ALDH1L1: variants seen among roughly 807,000 people sequenced by gnomAD.
The protein encoded by ALDH1L1 is aldehyde dehydrogenase 1 family member L1.
In ALDH1L1, 68 loss-of-function variants were observed where a neutral mutation model predicts 101.1. The observed-to-expected ratio is 0.67, with a 90% CI of 0.55 to 0.82. The LOEUF (loss-of-function observed/expected upper bound fraction) is 0.82, where lower values mean the gene tolerates loss of function less well. Among genes scored for constraint, ALDH1L1 ranks in the 40% least tolerant of loss-of-function variants. The probability of loss-of-function intolerance (pLI) is 0.00; values close to 1 mark genes in which losing one functional copy is unlikely to be tolerated. For synonymous variants in ALDH1L1, 486 were observed against 470.8 expected (o/e 1.03, Z -0.42); for missense variants, 1,087 against 1,172.7 (o/e 0.93, Z 1.07).
upstream of ALDH1L1, among the ~76,000 whole-genome samples, chr3:126,186,276 G>A (rs550481211): frequency 4.6e-5 from 7 of 152,356 alleles, no homozygotes; most frequent in African/African-American, 1.7e-4. Context: ...AGCTCATGTA[G>A]CATCAGAAAG....
At chr3:126,182,103 A>G (rs1227314728), upstream of ALDH1L1, among the ~76,000 whole-genome samples, 1 of 152,124 alleles carries the variant, frequency 6.6e-6, no homozygotes, top group Non-Finnish European at 1.5e-5. Context: ...TTATGTGATC[A>G]CAGAGAGGCC....
chr3:126,187,754 G>A (rs1012355774), intron 1 of ALDH1L1, among the ~76,000 whole-genome samples: 2 of 152,096 alleles, frequency 1.3e-5, no homozygotes, highest in African/African-American at 2.4e-5. Flanking sequence ...GTGAATTGAG[G>A]GAAACTATCA....
At chr3:126,196,901 G>A (rs549010937) in intron 1 of ALDH1L1, among the ~76,000 whole-genome samples, 3 of 152,280 alleles carry the variant, frequency 2.0e-5, no homozygotes, top group Admixed American at 1.3e-4. Flanking sequence ...AGTCTCCATC[G>A]CCCTTCCCAG....
intron 14 of ALDH1L1, 40 bp from the exon 15 acceptor site, chr3:126,125,761 A>C: frequency 7.0e-7 from 1 of 1,422,494 alleles, no homozygotes; most frequent in South Asian, 1.5e-5. Context: ...CTTCTTCTCC[A>C]CCAGGCCCAC....
intron 12 of ALDH1L1, among the ~76,000 whole-genome samples, chr3:126,132,985 G>A (rs747791037): frequency 6.6e-6 from 1 of 152,330 alleles, no homozygotes; most frequent in South Asian, 2.1e-4. Flanking sequence ...GAGAAAAACC[G>A]ATTTTGTACA....
Position 126,110,097 on chromosome 3 carries a change from G to T in ALDH1L1, c.2194C>A (p.Arg732=), listed in dbSNP as rs148110119. The change falls in exon 20 of 23, where the codon CGG becomes AGG. Residue 732 remains arginine (R), a synonymous_variant. Transcript: ENST00000393434. The stretch of plus-strand genomic sequence containing the variant: ...AGCGGGTTGCCCACCTTCATCTTCC[G>T]CACCTCTTCTACCTGCAGAAAGTCC... ...EFVRRVVEEV[R]KMKVGNPLDR... 2.5e-5 allele frequency: 41 copies of T among 1,613,986 alleles called. No homozygotes were observed. Among genetic ancestry groups the T allele is most frequent in the Middle Eastern group, 3.3e-4 (2 of 6,084 alleles).
upstream of ALDH1L1, among the ~76,000 whole-genome samples, chr3:126,184,238 G>T (rs528061332): frequency 3.9e-5 from 6 of 152,316 alleles, no homozygotes; most frequent in East Asian, 1.2e-3. Context: ...TGCCAGTTCA[G>T]TTCACTGTGC....
chr3:126,190,915 G>A (rs2081549619), intron 1 of ALDH1L1, among the ~76,000 whole-genome samples: 1 of 152,180 alleles, frequency 6.6e-6, no homozygotes, highest in Admixed American at 6.5e-5. Flanking sequence ...TCAGGTAAAA[G>A]CAAAAAGCTC....
chr3:126,125,539 C>G, intron 15 of ALDH1L1, 77 bp downstream of exon 15: 1 of 1,179,516 alleles, frequency 8.5e-7, no homozygotes, highest in African/African-American at 1.6e-5. Context: ...AGAGGCCCTT[C>G]CCTTCCTCCC....
In ALDH1L1 at chr3:126,114,615, C is replaced by T. The variant is rs1671528475; in HGVS notation, c.2024G>A (p.Gly675Asp). Residue 675 changes from glycine (G) to aspartate (D), a missense_variant, in exon 18 of 23, where the codon GGC (glycine) becomes GAC (aspartate). Physicochemically the swap from Gly to Asp is moderately conservative, Grantham distance 94. Transcript: ENST00000393434. Reference sequence around the variant, plus strand: ...AAAGATGATGAGGGGTGACTTCCCGCCCAGTTCCAGGGACACCTTCTTCAC... The same window carrying T: ...AAAGATGATGAGGGGTGACTTCCCGTCCAGTTCCAGGGACACCTTCTTCAC... ...SNVKKVSLELGGKSPLIIFAD... is the reference protein window; with the variant it reads ...SNVKKVSLELDGKSPLIIFAD... 1 of 1,516,216 alleles carries T rather than the reference C, an allele frequency of 6.6e-7. No individual in the cohort carries two copies. 93.9% of individuals were successfully genotyped at this position (1,516,216 alleles called of 1,614,324 possible). A position where few individuals can be genotyped will look rare whatever the true frequency, so the allele number is the denominator to read the frequency against.
chr3:126,127,418 G>A (rs1350524738), intron 14 of ALDH1L1, among the ~76,000 whole-genome samples: 1 of 152,140 alleles, frequency 6.6e-6, no homozygotes, highest in Non-Finnish European at 1.5e-5. Context: ...CTCCCTTGGG[G>A]CCATTCTCCT....
chr3:126,183,884 G>C (rs1010466773), upstream of ALDH1L1, among the ~76,000 whole-genome samples: 2 of 152,202 alleles, frequency 1.3e-5, no homozygotes, highest in Non-Finnish European at 2.9e-5. Context: ...TCTACAGTGG[G>C]ATGAGGCTTT....
intron 21 of ALDH1L1, 119 bp downstream of exon 21, chr3:126,107,022 G>T (rs1576404722): frequency 2.2e-6 from 2 of 899,264 alleles, no homozygotes; most frequent in East Asian, 2.5e-5. Flanking sequence ...TCCACGGCTT[G>T]CGCCCTGCCT....
At chr3:126,190,567 T>A (rs566062165) in intron 1 of ALDH1L1, among the ~76,000 whole-genome samples, 1 of 152,356 alleles carries the variant, frequency 6.6e-6, no homozygotes, top group Admixed American at 6.5e-5. Flanking sequence ...TAAGTCATCA[T>A]AGAGGAGCTG....
chr3:126,159,603 C>A, intron 2 of ALDH1L1: 1 of 449,532 alleles, frequency 2.2e-6, no homozygotes, highest in South Asian at 1.6e-5. Context: ...GTGATGTCAG[C>A]AGATTGGACT....
At chr3:126,128,361 C>G (rs2080229852) in intron 14 of ALDH1L1, 1 of 152,298 alleles carries the variant, frequency 6.6e-6, no homozygotes, top group African/African-American at 2.4e-5. Context: ...GCCCTAGACA[C>G]CTGATGCTCA....
chr3:126,140,341 A>G (rs2108259984), intron 9 of ALDH1L1, among the ~76,000 whole-genome samples: 1 of 152,310 alleles, frequency 6.6e-6, no homozygotes. Flanking sequence ...AAATTAAGAT[A>G]TTTCTATAGA....
At chr3:126,159,222 G>GCACA (rs143177704) in intron 2 of ALDH1L1, among the ~76,000 whole-genome samples, 34 of 147,898 alleles carry the variant, frequency 2.3e-4, no homozygotes, top group Middle Eastern at 3.5e-3. Context: ...ACACATGCGT[G>GCACA]CACACACACA....
At position 126,114,933 on chromosome 3, in the gene ALDH1L1, C is replaced by G. The variant is rs1363425827; in HGVS notation, c.1983-277G>C. 5.7e-6 allele frequency: 3 copies of G among 522,598 alleles called. No homozygotes were observed. In the Admixed American group the frequency reaches 6.8e-5, roughly 12 times the overall value. The allele number at this position is 522,598 out of a possible 1,614,324, so 32.4% of individuals were successfully genotyped here. A position where few individuals can be genotyped will look rare whatever the true frequency, so the allele number is the denominator to read the frequency against. ...CTCATTTCCTGCAGGCCTGTGTTCC[C>G]TTCTCTGGGGTGCCTCCCTGATCGC... On this transcript the variant is annotated intron_variant, in intron 17 of 22. Transcript: ENST00000393434.
Sources: allele counts gnomAD v4.1 joint callset (sites outside exome capture counted in the v4.1 genomes callset), GRCh38; gene constraint gnomAD v4.1.1; transcripts MANE v1.5; gene names NCBI Gene and HGNC (gene_info 2026-07-23, HGNC 2026-07-21).